The following HOOK2 variants were observed in gnomAD, a reference collection of about 807,000 sequenced individuals.
HOOK2 encodes hook microtubule tethering protein 2.
HOOK2 carries 108 observed loss-of-function variants against 111.9 expected under a neutral mutation model. That is an observed-to-expected ratio of 0.96 (90% CI 0.83 to 1.13). HOOK2 has a LOEUF of 1.13. HOOK2 is among the 50% of genes most tolerant of loss of function. The pLI is 0.00. For missense variants in HOOK2, 978 were observed against 951.3 expected (o/e 1.03, Z -0.37); for synonymous variants, 405 against 394.3 (o/e 1.03, Z -0.32).
At chr19:12,782,885 ACC>A (rs377293013), upstream of HOOK2, among the ~76,000 whole-genome samples, 8,675 of 145,478 alleles carry the variant, frequency 0.06, 865 homozygotes, top group African/African-American at 0.2. Context: ...TGGAGCTGAG[ACC>A]CCCCCCCCAG....
intron 3 of HOOK2, among the ~76,000 whole-genome samples, chr19:12,788,238 C>T (rs943128314): frequency 3.3e-5 from 5 of 152,178 alleles, no homozygotes; most frequent in Admixed American, 6.5e-5. Context: ...TGTTGGACAC[C>T]AGACAAGTTC....
intron 3 of HOOK2, chr19:12,774,251 G>T: frequency 4.0e-6 from 1 of 250,386 alleles, no homozygotes; most frequent in South Asian, 4.7e-5. Flanking sequence ...GATTACAGGT[G>T]CACACCACCC....
At chr19:12,782,493 C>T (rs984905280), upstream of HOOK2, among the ~76,000 whole-genome samples, 1 of 152,244 alleles carries the variant, frequency 6.6e-6, no homozygotes, top group Non-Finnish European at 1.5e-5. Context: ...CCTCCCGCCC[C>T]GCCGTTCCCC....
chr19:12,771,459 G>T lies in HOOK2; in HGVS notation c.538C>A (p.Leu180Ile). Reference protein sequence around the residue: ...FDSQSRRYYFLSEEAEEGDEL... With the variant: ...FDSQSRRYYFISEEAEEGDEL... ...TCCCCCTCCTCAGCCTCCTCACTTA[G>T]GAAATAGTACCTGCGGGACTGCAGA... The change falls in exon 8 of 23, where the codon CTA becomes ATA. Residue 180 changes from leucine to isoleucine, a missense_variant. Leu to Ile is a conservative substitution (Grantham distance 5). This residue lies in a region of HOOK2 where 301 missense variants were observed against 286.1 expected (regional missense o/e 1.05). Coordinates refer to ENST00000397668, the MANE Select transcript of HOOK2 (RefSeq NM_013312.3). 1 of 1,613,046 alleles carries T rather than the reference G, an allele frequency of 6.2e-7. No individual in the cohort carries two copies. Among genetic ancestry groups the T allele is most frequent in the Non-Finnish European group, 8.5e-7 (1 of 1,179,614 alleles).
In HOOK2 at chr19:12,791,727, G is replaced by A; in HGVS notation, n.42-17502C>T. The A allele has an allele frequency of 7.0e-7, 1 of 1,426,594 alleles. No homozygotes were observed. The allele number at this position is 1,426,594 out of a possible 1,614,324, so 88.4% of individuals were successfully genotyped here. A position where few individuals can be genotyped will look rare whatever the true frequency, so the allele number is the denominator to read the frequency against. On this transcript the variant is annotated intron_variant and non_coding_transcript_variant, in intron 3 of 3. Coordinates refer to the HOOK2 transcript ENST00000589765. The surrounding 1 kb of genome is among the most constrained non-coding windows in gnomAD (Gnocchi z 7.0). ...TCGCCGCTCGCTGCAGCGAGGCCCG[G>A]AGCGGCCCCGCAGGGACCCTCCCCA... is the stretch of plus-strand genomic sequence containing the variant.
At position 12,769,602 on chromosome 19, in the gene HOOK2, A is replaced by G. The variant is rs192299344; in HGVS notation, c.1104+279T>C. ...ATGCATTTTAGGATATTTTCAATTT[A>G]CCACGAGTTTTGTTACATGGTTAGG... On this transcript the variant is annotated intron_variant, in intron 11 of 22. Coordinates refer to ENST00000397668, the MANE Select transcript of HOOK2 (RefSeq NM_013312.3). Among the ~76,000 whole-genome samples the G allele has an allele frequency of 5.3e-5, 8 of 152,286 alleles. No homozygotes were observed. In the East Asian group the frequency reaches 1.4e-3, roughly 26 times the overall value.
chr19:12,782,566 G>C (rs1257365286), upstream of HOOK2, among the ~76,000 whole-genome samples: 1 of 152,176 alleles, frequency 6.6e-6, no homozygotes, highest in African/African-American at 2.4e-5. Context: ...GAGACACGAC[G>C]GGGGTCGCTG....
chr19:12,765,767 G>A (rs1370250953), intron 17 of HOOK2, 43 bp from the exon 18 acceptor site: 4 of 1,614,148 alleles, frequency 2.5e-6, no homozygotes, highest in Non-Finnish European at 3.4e-6. Flanking sequence ...ATCCAGAGAG[G>A]CCCTAATTCT....
rs532086433 is a variant in HOOK2 at position 12,767,886 on chromosome 19, C to T, written c.1233G>A (p.Arg411=). Residue 411 remains arginine, a synonymous_variant, in exon 13 of 23, where the codon CGG becomes CGA. Transcript: ENST00000397668. ...TKEKERLLAE[R]DSLREANEEL... ...CCTCATTGGCCTCCCGCAAGGAGTC[C>T]CGCTCCGCCAACAGCCGCTGCAGGG... The T allele has an allele frequency of 5.8e-5, 94 of 1,609,684 alleles. No homozygotes were observed. The African/African-American group carries it at 1.0e-3, about 18-fold the overall frequency.
chr19:12,765,903 T>G, intron 16 of HOOK2, 24 bp downstream of exon 16: 1 of 1,613,138 alleles, frequency 6.2e-7, no homozygotes, highest in African/African-American at 1.3e-5. Flanking sequence ...AGGGCCAGGC[T>G]GGGAGGTGGT....
At chr19:12,775,337 C>T in intron 1 of HOOK2, 68 bp downstream of exon 1, 2 of 1,578,268 alleles carry the variant, frequency 1.3e-6, no homozygotes, top group Non-Finnish European at 1.7e-6. Flanking sequence ...ACTGACCGAA[C>T]CAGGGCCAGG....
At chr19:12,765,438 T>C (rs1968117891) in intron 18 of HOOK2, 3 of 595,100 alleles carry the variant, frequency 5.0e-6, no homozygotes, top group East Asian at 5.7e-5. Flanking sequence ...ATCTCTTCAA[T>C]AGCAGACAGG....
chr19:12,789,633 G>A (rs1480276554), intron 3 of HOOK2, among the ~76,000 whole-genome samples: 1 of 151,894 alleles, frequency 6.6e-6, no homozygotes, highest in Non-Finnish European at 1.5e-5. Flanking sequence ...CCAGGCGCCG[G>A]GGGCGCCTCG....
At chr19:12,778,143 AGGGGCGGGCTCTGCATTG>A (rs1007660490), upstream of HOOK2, among the ~76,000 whole-genome samples, 24 of 119,472 alleles carry the variant, frequency 2.0e-4, no homozygotes, top group African/African-American at 7.6e-4. Flanking sequence ...ACCCAGAGGG[AGGGGCGGGCTCTGCATTG>A]GGGGCGGGCC....
At position 12,770,061 on chromosome 19, in the gene HOOK2, C is replaced by T. The variant is rs902778038; in HGVS notation, c.924G>A (p.Gly308=). 6.5e-6 allele frequency: 10 copies of T among 1,530,882 alleles called. No individual in the cohort carries two copies. In the African/African-American group the frequency reaches 1.2e-4, roughly 19 times the overall value. The allele number at this position is 1,530,882 out of a possible 1,614,324, so 94.8% of individuals were successfully genotyped here. A position where few individuals can be genotyped will look rare whatever the true frequency, so the allele number is the denominator to read the frequency against. ...AACTGGTCAGCGTGGCCTCCAGCTG[C>T]CCAGCACGCTCCGAAGACTGCCTAG... is the stretch of plus-strand genomic sequence containing the variant. The part of the protein sequence containing the change: ...DELRQSSERA[G]QLEATLTSCR... The change falls in exon 11 of 23, where the codon GGG becomes GGA. Residue 308 remains glycine, a synonymous_variant. Transcript: ENST00000397668.
Position 12,763,372 on chromosome 19 carries a change from G to C in HOOK2, c.2070C>G (p.Phe690Leu), listed in dbSNP as rs747678560. 6.2e-7 allele frequency: 1 copy of C among 1,614,182 alleles called. No homozygotes were observed. The highest frequency in any genetic ancestry group is 2.2e-5 in the East Asian group (1 of 44,876). The change falls in exon 23 of 23, where the codon TTC becomes TTG. Residue 690 changes from phenylalanine to leucine, a missense_variant. This residue lies in a region of HOOK2 where 277 missense variants were observed against 265.8 expected (regional missense o/e 1.04). Transcript: ENST00000397668. The part of the protein sequence containing the change: ...EERAPAHAQS[F>L]LAQQRLATNS... ...TGGTTGCCAGCCGCTGCTGTGCCAG[G>C]AATGACTGGGCATGGGCAGGCGCCC...
At position 12,771,153 on chromosome 19, in the gene HOOK2, C is replaced by G; in HGVS notation, c.761+6G>C. 1 of 1,613,404 alleles carries G rather than the reference C, an allele frequency of 6.2e-7. No individual in the cohort carries two copies. Among genetic ancestry groups the G allele is most frequent in the Non-Finnish European group, 8.5e-7 (1 of 1,179,644 alleles). ...CTTGCCTGGCCCAGTCCCCAGCTGA[C>G]CACACCTGAAGTTCTCCTCCTGCAA... On this transcript the variant is annotated splice_donor_region_variant and intron_variant, in intron 9 of 22. Transcript: ENST00000397668.
rs1457095018 is a variant in HOOK2, at chr19:12,790,272, G to A, written n.42-16047C>T. 6.6e-6 allele frequency among the ~76,000 whole-genome samples: 1 copy of A among 152,212 alleles called. No homozygotes were observed. Among genetic ancestry groups the A allele is most frequent in the Non-Finnish European group, 1.5e-5 (1 of 68,028 alleles). On this transcript the variant is annotated intron_variant and non_coding_transcript_variant, in intron 3 of 3. Transcript: ENST00000589765. The surrounding 1 kb of genome is among the most constrained non-coding windows in gnomAD (Gnocchi z 7.2). ...GGCGGGACCCAGGGCGGGGCGCACG[G>A]TCCCGTAGGATCCGAGTGACGGAGA...
intron 3 of HOOK2, 44 bp from the exon 4 acceptor site, chr19:12,773,088 A>G: frequency 6.4e-7 from 1 of 1,572,440 alleles, no homozygotes; most frequent in South Asian, 1.1e-5. Flanking sequence ...GAGGCCTCCC[A>G]CTCTGAATCT....
Sources: gnomAD v4.1 joint callset for allele counts (sites outside exome capture counted in the v4.1 genomes callset) on GRCh38, gnomAD v4.1.1 for gene constraint, gnomAD v4.1.1 regional missense constraint, Gnocchi (gnomAD v3.1) non-coding constraint, MANE v1.5 for transcripts, NCBI Gene and HGNC (gene_info 2026-07-23, HGNC 2026-07-21) for gene names.